GAREM1: variants seen among roughly 807,000 people sequenced by gnomAD.
GAREM1 encodes the protein GRB2-associated and regulator of MAPK protein 1.
A neutral mutation model predicts 71.3 loss-of-function variants in GAREM1; 26 were observed. The observed-to-expected ratio is 0.36, with a 90% CI of 0.27 to 0.51. The LOEUF (loss-of-function observed/expected upper bound fraction) is 0.51. Ranked by LOEUF, GAREM1 falls within the 20% of genes least tolerant of loss-of-function variation. The pLI is 0.95. For synonymous variants in GAREM1, 440 were observed against 433.2 expected (o/e 1.02, Z -0.20); for missense variants, 1,026 against 1,103.1 (o/e 0.93, Z 0.99).
intron 2 of GAREM1, among the ~76,000 whole-genome samples, chr18:32,364,726 A>T (rs959471451): frequency 1.3e-5 from 2 of 152,240 alleles, no homozygotes; most frequent in Non-Finnish European, 2.9e-5. Flanking sequence ...TGTAGCATTG[A>T]TGTACAGAAA....
At chr18:32,343,576 C>T (rs2047668306) in intron 2 of GAREM1, among the ~76,000 whole-genome samples, 1 of 152,158 alleles carries the variant, frequency 6.6e-6, no homozygotes, top group Non-Finnish European at 1.5e-5. Context: ...GCTGGAATTA[C>T]AGGCATAAGC....
At chr18:32,368,937 A>G (rs2047951921) in intron 2 of GAREM1, among the ~76,000 whole-genome samples, 1 of 152,234 alleles carries the variant, frequency 6.6e-6, no homozygotes, top group Non-Finnish European at 1.5e-5. Flanking sequence ...TGAATTCAAT[A>G]TAAAATATAA....
At chr18:32,428,012 G>A (rs976041109) in intron 1 of GAREM1, among the ~76,000 whole-genome samples, 6 of 151,994 alleles carry the variant, frequency 3.9e-5, no homozygotes, top group African/African-American at 1.4e-4. Context: ...TAAAAATGGT[G>A]GTAGATTATG....
chr18:32,312,110 T>C (rs1173657428), intron 2 of GAREM1, among the ~76,000 whole-genome samples: 2 of 152,174 alleles, frequency 1.3e-5, no homozygotes, highest in Non-Finnish European at 2.9e-5. Flanking sequence ...GAGATGTCTA[T>C]TGGACACGCA....
chr18:32,307,085 G>A (rs2047263446), intron 3 of GAREM1, among the ~76,000 whole-genome samples: 1 of 152,140 alleles, frequency 6.6e-6, no homozygotes, highest in Non-Finnish European at 1.5e-5. Context: ...TTTTGCTACA[G>A]TTTGTGAAGA....
chr18:32,461,841 G>A (rs1322825607), intron 1 of GAREM1, among the ~76,000 whole-genome samples: 1 of 152,148 alleles, frequency 6.6e-6, no homozygotes, highest in East Asian at 1.9e-4. Context: ...AGATGCATGG[G>A]GAGTTTATGA....
At chr18:32,454,068 C>T (rs910534500) in intron 1 of GAREM1, among the ~76,000 whole-genome samples, 1 of 152,002 alleles carries the variant, frequency 6.6e-6, no homozygotes, top group African/African-American at 2.4e-5. Context: ...ATAATAGTGA[C>T]CTCATCTTAC....
chr18:32,271,092 A>C (rs1195998682), intron 4 of GAREM1, among the ~76,000 whole-genome samples: 1 of 151,960 alleles, frequency 6.6e-6, no homozygotes, highest in African/African-American at 2.4e-5. Context: ...TTTTTAGTAG[A>C]GATGAAGTTT....
intron 3 of GAREM1, among the ~76,000 whole-genome samples, chr18:32,307,183 A>T (rs1407365897): frequency 6.6e-6 from 1 of 152,192 alleles, no homozygotes; most frequent in Non-Finnish European, 1.5e-5. Context: ...ACTTGTAAAT[A>T]AATATATCAG....
chr18:32,364,008 A>ATATATATATATG (rs2047895902), intron 2 of GAREM1, among the ~76,000 whole-genome samples: 1 of 43,890 alleles, frequency 2.3e-5, no homozygotes, highest in Non-Finnish European at 4.0e-5. Flanking sequence ...ATATATATAT[A>ATATATATATATG]TATATATATA....
At chr18:32,444,771 C>T (rs2048770848) in intron 1 of GAREM1, among the ~76,000 whole-genome samples, 1 of 152,154 alleles carries the variant, frequency 6.6e-6, no homozygotes, top group African/African-American at 2.4e-5. Context: ...CTCTCTATAT[C>T]CCTTTTCCTA....
chr18:32,299,513 CAAAA>C (rs57549959), intron 3 of GAREM1, among the ~76,000 whole-genome samples: 2 of 69,332 alleles, frequency 2.9e-5, no homozygotes, highest in Admixed American at 1.8e-4. Context: ...GACCCCATCT[CAAAA>C]AAAAAAAAAA....
chr18:32,315,433 T>C (rs2047366554), intron 2 of GAREM1, among the ~76,000 whole-genome samples: 2 of 146,742 alleles, frequency 1.4e-5, no homozygotes, highest in East Asian at 2.0e-4. Flanking sequence ...ATAAAGTATA[T>C]ATAAAAAAAT....
At chr18:32,298,117 A>G (rs2047161732) in intron 3 of GAREM1, among the ~76,000 whole-genome samples, 1 of 152,168 alleles carries the variant, frequency 6.6e-6, no homozygotes, top group African/African-American at 2.4e-5. Context: ...TTTTGTCTAC[A>G]TTTTCGTGTA....
intron 1 of GAREM1, among the ~76,000 whole-genome samples, chr18:32,401,387 A>G (rs530191345): frequency 3.9e-5 from 6 of 152,138 alleles, no homozygotes; most frequent in Non-Finnish European, 7.3e-5. Context: ...AGACAGATGT[A>G]GAAACTTAAT....
At chr18:32,376,137 A>G (rs2144633466) in intron 2 of GAREM1, among the ~76,000 whole-genome samples, 1 of 152,362 alleles carries the variant, frequency 6.6e-6, no homozygotes, top group Admixed American at 6.5e-5. Flanking sequence ...AAGGTAAGAG[A>G]AAGACTTTTA....
chr18:32,364,788 A>G (rs1472799801), intron 2 of GAREM1, among the ~76,000 whole-genome samples: 1 of 152,188 alleles, frequency 6.6e-6, no homozygotes, highest in Non-Finnish European at 1.5e-5. Flanking sequence ...AAATGTGGAA[A>G]AAGTACACCA....
intron 2 of GAREM1, among the ~76,000 whole-genome samples, chr18:32,329,703 TAAAAAAA>T (rs756082703): frequency 1.3e-5 from 1 of 78,152 alleles, no homozygotes; most frequent in Admixed American, 1.5e-4. Context: ...GAGACTCCAT[TAAAAAAA>T]AAAAAAAAAA....
At chr18:32,280,440 A>G (rs534174361) in intron 4 of GAREM1, among the ~76,000 whole-genome samples, 8 of 152,212 alleles carry the variant, frequency 5.3e-5, no homozygotes, top group Non-Finnish European at 7.4e-5. Flanking sequence ...CTCACCTTTG[A>G]TATTTCTGTG....
Sources: gnomAD v4.1 joint callset for allele counts (sites outside exome capture counted in the v4.1 genomes callset) on GRCh38, gnomAD v4.1.1 for gene constraint, MANE v1.5 for transcripts, NCBI Gene and HGNC (gene_info 2026-07-23, HGNC 2026-07-21) for gene names.